The following PPP1R36 variants were observed in gnomAD, a reference collection of about 807,000 sequenced individuals.
PPP1R36 encodes the protein chromosome 14 open reading frame 50.
PPP1R36 carries 47 observed loss-of-function variants against 53.4 expected under a neutral mutation model. That is an observed-to-expected ratio of 0.88 (90% CI 0.70 to 1.12). The LOEUF is 1.12. Ranked by LOEUF, PPP1R36 falls within the 50% of genes most tolerant of loss-of-function variation. PPP1R36 has a pLI of 0.00. For synonymous variants in PPP1R36, 153 were observed against 170.5 expected (o/e 0.90, Z 0.80); for missense variants, 456 against 513.9 (o/e 0.89, Z 1.09).
At chr14:64,552,067 G>T (rs1397311794) in intron 2 of PPP1R36, among the ~76,000 whole-genome samples, 1 of 152,210 alleles carries the variant, frequency 6.6e-6, no homozygotes, top group Non-Finnish European at 1.5e-5. Flanking sequence ...GTTTGGATAG[G>T]ATTGATAGGA....
chr14:64,550,127 C>T, intron 1 of PPP1R36, 61 bp downstream of exon 1: 2 of 1,529,926 alleles, frequency 1.3e-6, no homozygotes, highest in Non-Finnish European at 1.8e-6. Context: ...CCTGCTGCCC[C>T]CAACCGGCGC....
chr14:64,571,769 C>A (rs1024183556), intron 7 of PPP1R36, among the ~76,000 whole-genome samples: 11 of 152,170 alleles, frequency 7.2e-5, no homozygotes, highest in African/African-American at 2.7e-4. Context: ...TTAATGGACT[C>A]ACAGTTCCAC....
chr14:64,557,490 G>C (rs914688139), intron 3 of PPP1R36, among the ~76,000 whole-genome samples: 1 of 152,094 alleles, frequency 6.6e-6, no homozygotes. Flanking sequence ...AAATACAAAT[G>C]GTAATTCCTT....
rs150069993 is a variant in PPP1R36 at position 64,581,428 on chromosome 14, A to G, written c.669-5409A>G. ...ATTTGGTGGGGGTCTGAGTTTCTGA[A>G]AAACAACGCAGGGACATATGTTAAA... On this transcript the variant is annotated intron_variant, in intron 8 of 11. Transcript: ENST00000298705. Among the ~76,000 whole-genome samples, 761 of 152,328 alleles carry G rather than the reference A, an allele frequency of 5.0e-3. 6 individuals carry two copies. Among genetic ancestry groups the G allele is most frequent in the South Asian group, 0.011 (52 of 4,822 alleles).
intron 8 of PPP1R36, among the ~76,000 whole-genome samples, chr14:64,582,853 T>C (rs1055493785): frequency 1.3e-5 from 2 of 151,634 alleles, no homozygotes; most frequent in African/African-American, 4.8e-5. Context: ...GGCTTAAATT[T>C]TGTTATTTTA....
chr14:64,554,883 TA>T (rs996178179), intron 3 of PPP1R36, among the ~76,000 whole-genome samples: 71 of 152,124 alleles, frequency 4.7e-4, no homozygotes, highest in African/African-American at 1.7e-3. Flanking sequence ...AAACGCATAC[TA>T]TTCGAGGTGC....
intron 3 of PPP1R36, among the ~76,000 whole-genome samples, chr14:64,557,247 T>C (rs2080163017): frequency 6.6e-6 from 1 of 152,184 alleles, no homozygotes; most frequent in Admixed American, 6.5e-5. Context: ...GTCAATTTCA[T>C]ATCTATACCT....
chr14:64,569,816 G>A (rs1484844723), intron 7 of PPP1R36, among the ~76,000 whole-genome samples: 1 of 150,818 alleles, frequency 6.6e-6, no homozygotes, highest in Non-Finnish European at 1.5e-5. Flanking sequence ...TCGGCTCACT[G>A]CAACGTCCAC....
intron 2 of PPP1R36, 56 bp downstream of exon 2, chr14:64,551,041 GA>G (rs201958542): frequency 9.3e-5 from 110 of 1,181,984 alleles, no homozygotes; most frequent in South Asian, 1.9e-4. Context: ...GTGCCTGGGG[GA>G]AAAAAAAGCA....
At chr14:64,556,354 C>T (rs1266483119) in intron 3 of PPP1R36, among the ~76,000 whole-genome samples, 1 of 152,040 alleles carries the variant, frequency 6.6e-6, no homozygotes, top group African/African-American at 2.4e-5. Flanking sequence ...CTGCCTGCCT[C>T]AGCCTTCCAA....
At chr14:64,564,976 C>A in intron 4 of PPP1R36, 139 bp downstream of exon 4, 1 of 647,576 alleles carries the variant, frequency 1.5e-6, no homozygotes, top group Non-Finnish European at 2.7e-6. Context: ...AGAACATGTG[C>A]TGTTTCAGCA....
rs1200093395 is a variant in PPP1R36 at position 64,587,340 on chromosome 14, G to A, written c.858G>A (p.Gly286=). The A allele has an allele frequency of 6.2e-7, 1 of 1,613,458 alleles. No homozygotes were observed. Among genetic ancestry groups the A allele is most frequent in the Non-Finnish European group, 8.5e-7 (1 of 1,179,752 alleles). The part of the protein sequence containing the change: ...RRRREDEESG[G]EKKRMTFVQF... ...GGCGTGAAGATGAGGAATCAGGAGGGGAAAAGAAACGCATGACTTTTGTTC... is the reference window on the plus strand; with the variant it reads ...GGCGTGAAGATGAGGAATCAGGAGGAGAAAAGAAACGCATGACTTTTGTTC... The change falls in exon 10 of 12, where the codon GGG becomes GGA. Residue 286 remains glycine, a synonymous_variant. Transcript: ENST00000298705.
chr14:64,557,187 G>A (rs1467863587), intron 3 of PPP1R36, among the ~76,000 whole-genome samples: 1 of 152,136 alleles, frequency 6.6e-6, no homozygotes, highest in African/African-American at 2.4e-5. Flanking sequence ...GGAAGATGGT[G>A]TAATGAACCC....
intron 8 of PPP1R36, among the ~76,000 whole-genome samples, chr14:64,578,143 G>A (rs1425475324): frequency 2.0e-5 from 3 of 150,008 alleles, no homozygotes; most frequent in Non-Finnish European, 4.4e-5. Flanking sequence ...TAGTAGAGAT[G>A]GGGTTTCACC....
intron 11 of PPP1R36, 25 bp downstream of exon 11, chr14:64,588,320 T>C (rs779060184): frequency 2.5e-6 from 4 of 1,571,706 alleles, no homozygotes; most frequent in Admixed American, 1.7e-5. Flanking sequence ...AAGAGAAGCA[T>C]GAGTGCCTTG....
chr14:64,563,798 C>T (rs571896812), intron 3 of PPP1R36, among the ~76,000 whole-genome samples: 5 of 152,282 alleles, frequency 3.3e-5, no homozygotes, highest in South Asian at 2.1e-4. Context: ...GGGTAAACTT[C>T]GGCATTGTGT....
rs2080326291 is a variant in PPP1R36 at position 64,574,345 on chromosome 14, A to C, written c.534-110A>C. The C allele has an allele frequency of 4.4e-6, 5 of 1,129,204 alleles. No individual in the cohort carries two copies. The South Asian group carries it at 6.2e-5, about 14-fold the overall frequency. 69.9% of individuals were successfully genotyped at this position (1,129,204 alleles called of 1,614,324 possible). On this transcript the variant is annotated intron_variant, in intron 7 of 11. Transcript: ENST00000298705. ...ACTCCAGCCTAGGTAGCAGAGCAAGACTCTGTCTTAAAGAAAAGAAGAAAA... is the reference window on the plus strand; with the variant it reads ...ACTCCAGCCTAGGTAGCAGAGCAAGCCTCTGTCTTAAAGAAAAGAAGAAAA...
chr14:64,550,167 T>TC, intron 1 of PPP1R36, 101 bp downstream of exon 1: 1 of 1,466,294 alleles, frequency 6.8e-7, no homozygotes, highest in Non-Finnish European at 9.1e-7. Flanking sequence ...CAGAGGCGGG[T>TC]CGTCGCCTTC....
At chr14:64,570,622 A>G (rs556049239) in intron 7 of PPP1R36, among the ~76,000 whole-genome samples, 2 of 152,338 alleles carry the variant, frequency 1.3e-5, no homozygotes, top group African/African-American at 4.8e-5. Flanking sequence ...TGCACAGAAG[A>G]AAAAAACTGA....
Sources: allele counts gnomAD v4.1 joint callset (sites outside exome capture counted in the v4.1 genomes callset), GRCh38; gene constraint gnomAD v4.1.1; transcripts MANE v1.5; gene names NCBI Gene and HGNC (gene_info 2026-07-23, HGNC 2026-07-21).